The following MYCBP2 variants were observed in gnomAD, a reference collection of about 807,000 sequenced individuals.
MYCBP2 encodes MYC binding protein 2, also known as E3 ubiquitin-protein ligase MYCBP2.
MYCBP2 carries 120 observed loss-of-function variants against 525.3 expected under a neutral mutation model. The observed-to-expected ratio is 0.23, with a 90% confidence interval of 0.20 to 0.27. MYCBP2 has a LOEUF of 0.27. Among genes scored for constraint, MYCBP2 ranks in the 10% least tolerant of loss-of-function variants. The pLI is 1.00. For missense variants in MYCBP2, 4,149 were observed against 5,657.1 expected, an observed-to-expected ratio of 0.73 and a Z score of 8.55; for synonymous variants, 1,894 against 1,955.8, an observed-to-expected ratio of 0.97 and a Z score of 0.83.
chr13:77,231,323 CAA>C (rs1305837559), intron 18 of MYCBP2, among the ~76,000 whole-genome samples: 1 of 152,158 alleles, frequency 6.6e-6, no homozygotes, highest in Non-Finnish European at 1.5e-5. Flanking sequence ...CTCCCAGGCT[CAA>C]GTGATTATTG....
intron 45 of MYCBP2, 101 bp from the exon 46 acceptor site, chr13:77,156,303 C>CA: frequency 1.8e-6 from 2 of 1,093,884 alleles, no homozygotes; most frequent in Admixed American, 2.7e-5. Flanking sequence ...TTGTATCAAA[C>CA]AAAATGCTAA....
At position 77,238,671 on chromosome 13, in the gene MYCBP2, C is replaced by T. The variant is rs181837906; in HGVS notation, c.2629+4388G>A. On this transcript the variant is annotated intron_variant, in intron 17 of 82. Transcript: ENST00000544440. Reference sequence around the variant, plus strand: ...AAAAAATTAACTAGACTATTAATAACACAAAGATTTAAAATTAAAAAGTTC... The same window carrying T: ...AAAAAATTAACTAGACTATTAATAATACAAAGATTTAAAATTAAAAAGTTC... Among the ~76,000 whole-genome samples, 54 of 152,246 alleles carry T rather than the reference C, an allele frequency of 3.5e-4. No homozygotes were observed. The East Asian group carries it at 6.2e-3, about 17-fold the overall frequency.
At chr13:77,119,314 A>G (rs1333414989) in intron 55 of MYCBP2, among the ~76,000 whole-genome samples, 1 of 152,196 alleles carries the variant, frequency 6.6e-6, no homozygotes, top group Non-Finnish European at 1.5e-5. Context: ...AACTACATCC[A>G]GACTAGGTGA....
intron 15 of MYCBP2, among the ~76,000 whole-genome samples, chr13:77,250,509 G>A (rs1304229141): frequency 6.6e-6 from 1 of 152,148 alleles, no homozygotes; most frequent in Non-Finnish European, 1.5e-5. Flanking sequence ...TGTTATAGTG[G>A]CTATAACTAG....
At chr13:77,198,774 G>T (rs1295325487) in intron 26 of MYCBP2, among the ~76,000 whole-genome samples, 1 of 152,114 alleles carries the variant, frequency 6.6e-6, no homozygotes, top group Non-Finnish European at 1.5e-5. Context: ...CACTCCTGGG[G>T]TGAAGATGTC....
intron 72 of MYCBP2, 26 bp downstream of exon 72, chr13:77,065,966 G>T: frequency 6.3e-7 from 1 of 1,575,184 alleles, no homozygotes; most frequent in Non-Finnish European, 8.7e-7. Flanking sequence ...GCACTTCACT[G>T]CCAAAACAGA....
At position 77,126,305 on chromosome 13, in the gene MYCBP2, C is replaced by T; in HGVS notation, c.7884+13G>A. ...GAGTATCTTAGAAGTCATGAAGCTA[C>T]AAGAATCCATACCTCTCCCACTGCT... On this transcript the variant is annotated intron_variant, in intron 53 of 82. Coordinates refer to ENST00000544440, the MANE Select transcript of MYCBP2 (RefSeq NM_015057.5). The T allele has an allele frequency of 3.7e-6, 6 of 1,608,148 alleles. No homozygotes were observed. The highest frequency in any genetic ancestry group is 5.1e-6 in the Non-Finnish European group (6 of 1,175,304).
intron 62 of MYCBP2, among the ~76,000 whole-genome samples, chr13:77,084,306 C>CCA (rs1461148632): frequency 3.9e-5 from 6 of 152,178 alleles, no homozygotes; most frequent in African/African-American, 1.4e-4. Context: ...CATCTTGCTA[C>CCA]CAATGTAAGC....
chr13:77,295,764 G>A (rs924269496), intron 2 of MYCBP2, among the ~76,000 whole-genome samples: 1 of 152,184 alleles, frequency 6.6e-6, no homozygotes, highest in South Asian at 2.1e-4. Flanking sequence ...GTATAAAAAA[G>A]ATGGATTTTA....
At chr13:77,181,564 G>T in intron 33 of MYCBP2, 137 bp downstream of exon 33, 1 of 493,376 alleles carries the variant, frequency 2.0e-6, no homozygotes, top group Non-Finnish European at 3.5e-6. Flanking sequence ...CTTAAAAATA[G>T]AGAAGAATAA....
chr13:77,104,673 A>G (rs1016258679), intron 55 of MYCBP2, among the ~76,000 whole-genome samples: 1 of 152,114 alleles, frequency 6.6e-6, no homozygotes, highest in Non-Finnish European at 1.5e-5. Flanking sequence ...TTCTAGGAAG[A>G]AAGACCAACT....
chr13:77,193,947 A>C (rs1204968420), intron 27 of MYCBP2, among the ~76,000 whole-genome samples: 1 of 152,178 alleles, frequency 6.6e-6, no homozygotes, highest in Non-Finnish European at 1.5e-5. Flanking sequence ...CAGTTGACTT[A>C]TGAAATAAAT....
intron 50 of MYCBP2, 21 bp downstream of exon 50, chr13:77,140,825 C>T (rs2054496799): frequency 6.4e-7 from 1 of 1,558,972 alleles, no homozygotes; most frequent in Admixed American, 1.8e-5. Context: ...GATTCCGGCT[C>T]TCAATTCATT....
intron 68 of MYCBP2, among the ~76,000 whole-genome samples, chr13:77,072,244 T>C (rs991795157): frequency 2.7e-5 from 4 of 147,410 alleles, no homozygotes; most frequent in African/African-American, 7.6e-5. Context: ...TGAGCCGAGA[T>C]TGCACCACTG....
Position 77,309,500 on chromosome 13 carries a change from C to T in MYCBP2, c.303-12826G>A, listed in dbSNP as rs140847422. ...ATCTGAAATCATAAGCCTGAGACAA[C>T]CAAAGAAGAAAATTCAGAGAGAAGA... On this transcript the variant is annotated intron_variant, in intron 1 of 82. Coordinates refer to ENST00000544440, the MANE Select transcript of MYCBP2 (RefSeq NM_015057.5). Among the ~76,000 whole-genome samples the T allele has an allele frequency of 1.9e-3, 293 of 152,248 alleles. 1 individual carries two copies. Among genetic ancestry groups the T allele is most frequent in the African/African-American group, 6.7e-3 (277 of 41,552 alleles).
chr13:77,051,709 TGAG>T, intron 81 of MYCBP2, 99 bp downstream of exon 81: 2 of 763,042 alleles, frequency 2.6e-6, no homozygotes, highest in African/African-American at 1.8e-5. Context: ...CAGAAAATAC[TGAG>T]GAGAAAAGCC....
At chr13:77,135,521 T>C (rs887336752) in intron 52 of MYCBP2, among the ~76,000 whole-genome samples, 5 of 152,196 alleles carry the variant, frequency 3.3e-5, no homozygotes, top group Non-Finnish European at 4.4e-5. Flanking sequence ...CCCTAGTCCC[T>C]ACAGAAAATC....
chr13:77,096,797 A>G (rs371198339), intron 56 of MYCBP2, among the ~76,000 whole-genome samples: 4 of 152,284 alleles, frequency 2.6e-5, no homozygotes, highest in African/African-American at 9.6e-5. Context: ...TAAAAGTTCT[A>G]TAACAATGAT....
chr13:77,213,287 C>G (rs1276002558), intron 21 of MYCBP2, among the ~76,000 whole-genome samples: 3 of 152,040 alleles, frequency 2.0e-5, no homozygotes, highest in Non-Finnish European at 4.4e-5. Flanking sequence ...CCAGCCTGGC[C>G]AACATGGTGA....
Sources: allele counts gnomAD v4.1 joint callset (sites outside exome capture counted in the v4.1 genomes callset), GRCh38; gene constraint gnomAD v4.1.1; transcripts MANE v1.5; gene names NCBI Gene and HGNC (gene_info 2026-07-23, HGNC 2026-07-21).